The following ANGPT4 variants were observed in gnomAD, a reference collection of about 807,000 sequenced individuals.
The protein encoded by ANGPT4 is angiopoietin-4.
A neutral mutation model predicts 53.0 loss-of-function variants in ANGPT4; 50 were observed. That is an observed-to-expected ratio of 0.94 (90% CI 0.75 to 1.20). ANGPT4 has a LOEUF of 1.20. Ranked by LOEUF, ANGPT4 falls within the 50% of genes most tolerant of loss-of-function variation. The pLI is 0.00. For synonymous variants in ANGPT4, 251 were observed against 259.7 expected (o/e 0.97, Z 0.32); for missense variants, 648 against 637.1 (o/e 1.02, Z -0.18).
intron 2 of ANGPT4, among the ~76,000 whole-genome samples, chr20:889,173 TC>T (rs534198484): frequency 3.2e-4 from 49 of 151,054 alleles, no homozygotes; most frequent in Non-Finnish European, 3.0e-4. Context: ...GCAGCTCTCA[TC>T]CCCCCCCACC....
At chr20:880,140 A>T (rs1299942906) in intron 5 of ANGPT4, among the ~76,000 whole-genome samples, 1 of 152,218 alleles carries the variant, frequency 6.6e-6, no homozygotes, top group Non-Finnish European at 1.5e-5. Context: ...GGTTGTGAAA[A>T]TTAAACGAGA....
chr20:900,646 A>T (rs572590874), intron 1 of ANGPT4, among the ~76,000 whole-genome samples: 9 of 152,344 alleles, frequency 5.9e-5, no homozygotes, highest in Non-Finnish European at 1.0e-4. Flanking sequence ...ATATAAAAAG[A>T]CAGGAATAGG....
Position 916,298 on chromosome 20 carries a change from C to A in ANGPT4, c.-84G>T. The A allele has an allele frequency of 6.9e-7, 1 of 1,452,472 alleles. No homozygotes were observed. 90.0% of individuals were successfully genotyped at this position (1,452,472 alleles called of 1,614,324 possible). ...ATGTCCTGCTGCAGCCAACAGTGGC[C>A]AGGCTTGCCTGCAGCTGCAGCTACA... On this transcript the variant is annotated 5_prime_UTR_variant, in exon 1 of 9. Coordinates refer to ENST00000381922, the MANE Select transcript of ANGPT4 (RefSeq NM_015985.4).
At chr20:899,052 G>T (rs1348639790) in intron 1 of ANGPT4, among the ~76,000 whole-genome samples, 3 of 152,132 alleles carry the variant, frequency 2.0e-5, no homozygotes, top group Non-Finnish European at 2.9e-5. Context: ...GAAGCCTCCT[G>T]GACCATCACA....
rs1467513155 is a variant in ANGPT4, at chr20:914,127, T to C, written c.309+1779A>G. On this transcript the variant is annotated intron_variant, in intron 1 of 8. Transcript: ENST00000381922. The surrounding 1 kb of genome is among the most constrained non-coding windows in gnomAD (Gnocchi z 5.0). Reference sequence around the variant, plus strand: ...ACTCATGCTACAGACATTTATTGAGTACCTACTGTGTGTTCGGCACTATTC... The same window carrying C: ...ACTCATGCTACAGACATTTATTGAGCACCTACTGTGTGTTCGGCACTATTC... Among the ~76,000 whole-genome samples the C allele has an allele frequency of 1.3e-5, 2 of 152,124 alleles. No individual in the cohort carries two copies. The highest frequency in any genetic ancestry group is 2.4e-5 in the African/African-American group (1 of 41,410).
rs1460133866 is a variant in ANGPT4, at chr20:914,887, A to C, written c.309+1019T>G. On this transcript the variant is annotated intron_variant, in intron 1 of 8. Transcript: ENST00000381922. The surrounding 1 kb of genome is among the most constrained non-coding windows in gnomAD (Gnocchi z 5.0). Reference sequence around the variant, plus strand: ...CTGAAAGACGAAAGCATGACAGGGCATTCTACAGCAGCCCTGGTCTTGGGC... The same window carrying C: ...CTGAAAGACGAAAGCATGACAGGGCCTTCTACAGCAGCCCTGGTCTTGGGC... Among the ~76,000 whole-genome samples the C allele has an allele frequency of 6.6e-6, 1 of 152,150 alleles. No homozygotes were observed. Among genetic ancestry groups the C allele is most frequent in the Non-Finnish European group, 1.5e-5 (1 of 68,022 alleles).
At chr20:902,424 T>C (rs2122847932) in intron 1 of ANGPT4, among the ~76,000 whole-genome samples, 1 of 152,282 alleles carries the variant, frequency 6.6e-6, no homozygotes, top group South Asian at 2.1e-4. Flanking sequence ...CACAGGCTAT[T>C]ACAGTGGTGA....
intron 1 of ANGPT4, among the ~76,000 whole-genome samples, chr20:891,200 G>C (rs1981832504): frequency 6.6e-6 from 1 of 152,214 alleles, no homozygotes; most frequent in African/African-American, 2.4e-5. Context: ...AGCTTCCTCA[G>C]GGTGAGTCAG....
chr20:894,088 C>T (rs1026062353), intron 1 of ANGPT4, among the ~76,000 whole-genome samples: 6 of 152,130 alleles, frequency 3.9e-5, no homozygotes, highest in African/African-American at 1.4e-4. Context: ...GGCTCGAATG[C>T]CTGGGTTTAT....
chr20:874,581 T>C (rs982085810), intron 7 of ANGPT4, among the ~76,000 whole-genome samples, 167 bp from the exon 8 acceptor site: 2 of 152,180 alleles, frequency 1.3e-5, no homozygotes, highest in African/African-American at 4.8e-5. Context: ...TTTCCCTTCC[T>C]GGATTGCCTT....
chr20:916,076 A>T lies in ANGPT4; in HGVS notation c.139T>A (p.Phe47Ile). 1 of 1,614,186 alleles carries T rather than the reference A, an allele frequency of 6.2e-7. No individual in the cohort carries two copies. Among genetic ancestry groups the T allele is most frequent in the Non-Finnish European group, 8.5e-7 (1 of 1,180,008 alleles). ...VVQHGHCSYT[F>I]LLPKSEPCPP... is the part of the protein sequence containing the mutation. ...CAGGGCTCAGACTTGGGCAGCAAGA[A>T]GGTGTAGCTACAGTGGCCGTGCTGG... is the stretch of plus-strand genomic sequence containing the variant. Residue 47 changes from phenylalanine (F) to isoleucine (I), a missense_variant, in exon 1 of 9, where the codon TTC becomes ATC. By Grantham distance (21) the Phe-to-Ile change is conservative. Coordinates refer to ENST00000381922, the MANE Select transcript of ANGPT4 (RefSeq NM_015985.4).
chr20:898,099 G>T (rs563441986), intron 1 of ANGPT4, among the ~76,000 whole-genome samples: 51 of 151,760 alleles, frequency 3.4e-4, no homozygotes, highest in Non-Finnish European at 6.3e-4. Flanking sequence ...TTTCTCTCCT[G>T]TCTGTTTCCT....
intron 1 of ANGPT4, 144 bp from the exon 2 acceptor site, chr20:890,512 A>G: frequency 1.4e-6 from 1 of 706,902 alleles, no homozygotes; most frequent in Admixed American, 2.9e-5. Flanking sequence ...GGCCACCATT[A>G]CGTCTTGCCT....
At chr20:907,940 T>G (rs1982541869) in intron 1 of ANGPT4, among the ~76,000 whole-genome samples, 1 of 152,200 alleles carries the variant, frequency 6.6e-6, no homozygotes, top group African/African-American at 2.4e-5. Context: ...AAAGGGTGAT[T>G]GTTCCCCACA....
chr20:894,228 C>T (rs542180634), intron 1 of ANGPT4, among the ~76,000 whole-genome samples: 1 of 152,136 alleles, frequency 6.6e-6, no homozygotes, highest in African/African-American at 2.4e-5. Context: ...AAGTTGCAAG[C>T]CCCGTGTTTA....
In ANGPT4 at chr20:914,956, C is replaced by T. The variant is rs185651107; in HGVS notation, c.309+950G>A. On this transcript the variant is annotated intron_variant, in intron 1 of 8. Transcript: ENST00000381922. The surrounding 1 kb of genome is among the most constrained non-coding windows in gnomAD (Gnocchi z 5.0). Reference sequence around the variant, plus strand: ...CTCAGCTCCTTGCTTCCTCCCACTCCGCATCCAATTCACCAGCAGAGCTGA... The same window carrying T: ...CTCAGCTCCTTGCTTCCTCCCACTCTGCATCCAATTCACCAGCAGAGCTGA... Among the ~76,000 whole-genome samples, 9 of 152,282 alleles carry T rather than the reference C, an allele frequency of 5.9e-5. No individual in the cohort carries two copies. The highest frequency in any genetic ancestry group is 2.0e-4 in the Admixed American group (3 of 15,298).
intron 1 of ANGPT4, 39 bp downstream of exon 1, chr20:915,867 G>C (rs1333328654): frequency 6.5e-7 from 1 of 1,526,860 alleles, no homozygotes; most frequent in East Asian, 2.3e-5. Context: ...AGACCCCAAA[G>C]CCGCCCTCTG....
chr20:883,463 G>A (rs1981486593), intron 4 of ANGPT4, among the ~76,000 whole-genome samples: 1 of 152,228 alleles, frequency 6.6e-6, no homozygotes, highest in Admixed American at 6.5e-5. Flanking sequence ...AAGCCATGCA[G>A]AGAGCTAGTG....
chr20:873,320 G>A, intron 8 of ANGPT4, among the ~76,000 whole-genome samples, 200 bp from the exon 9 acceptor site: 1 of 152,092 alleles, frequency 6.6e-6, no homozygotes, highest in Non-Finnish European at 1.5e-5. Context: ...GGCCTCTAGA[G>A]GGCAGCAAGG....
Sources: allele counts gnomAD v4.1 joint callset (sites outside exome capture counted in the v4.1 genomes callset), GRCh38; gene constraint gnomAD v4.1.1; non-coding constraint Gnocchi (gnomAD v3.1); transcripts MANE v1.5; gene names NCBI Gene and HGNC (gene_info 2026-07-23, HGNC 2026-07-21).